The following MPP7 variants were observed in gnomAD, a reference collection of about 807,000 sequenced individuals.
The protein encoded by MPP7 is MAGUK p55 subfamily member 7.
Under a neutral mutation model 76.5 loss-of-function variants are expected in MPP7, and 60 were observed. The observed-to-expected ratio is 0.78, with a 90% CI of 0.64 to 0.97. The LOEUF is 0.97. MPP7 is among the 50% of genes least tolerant of loss of function. MPP7 has a pLI of 0.00. For missense variants in MPP7, 641 were observed against 694.0 expected (o/e 0.92, Z 0.86); for synonymous variants, 237 against 244.5 (o/e 0.97, Z 0.29).
chr10:28,140,786 A>T (rs1248442848), intron 5 of MPP7, among the ~76,000 whole-genome samples: 1 of 152,306 alleles, frequency 6.6e-6, no homozygotes, highest in Non-Finnish European at 1.5e-5. Context: ...TAAATCAATA[A>T]CTACAGAAGA....
chr10:28,235,008 C>T (rs1291287400), intron 2 of MPP7, among the ~76,000 whole-genome samples: 2 of 152,158 alleles, frequency 1.3e-5, no homozygotes, highest in Non-Finnish European at 2.9e-5. Flanking sequence ...TGTGGTTTCA[C>T]CACGTTGCCC....
chr10:28,314,507 G>A (rs142619207), intron 2 of MPP7, among the ~76,000 whole-genome samples: 1 of 152,286 alleles, frequency 6.6e-6, no homozygotes, highest in East Asian at 1.9e-4. Flanking sequence ...TCTAGCTTCC[G>A]CGTATGTTCA....
At chr10:28,068,128 A>G (rs776995331) in intron 13 of MPP7, among the ~76,000 whole-genome samples, 1 of 152,120 alleles carries the variant, frequency 6.6e-6, no homozygotes, top group Non-Finnish European at 1.5e-5. Context: ...GTAAGCTTAA[A>G]AATTATTTTG....
At chr10:28,264,653 T>C (rs1221381002) in intron 1 of MPP7, among the ~76,000 whole-genome samples, 5 of 151,772 alleles carry the variant, frequency 3.3e-5, no homozygotes, top group Non-Finnish European at 7.4e-5. Flanking sequence ...AGCCCAAGCA[T>C]TAATTTCCAC....
intron 11 of MPP7, among the ~76,000 whole-genome samples, chr10:28,091,287 C>CT (rs57320934): frequency 1.3e-3 from 193 of 143,744 alleles, no homozygotes; most frequent in Middle Eastern, 7.4e-3. Context: ...AAACAGATAA[C>CT]TTTTTTTTTT....
At chr10:28,112,093 T>C (rs1834522878) in intron 11 of MPP7, among the ~76,000 whole-genome samples, 1 of 152,208 alleles carries the variant, frequency 6.6e-6, no homozygotes, top group African/African-American at 2.4e-5. Context: ...TTATTATTAT[T>C]CAGGCTCGTG....
At chr10:28,176,866 G>A (rs999661457) in intron 3 of MPP7, among the ~76,000 whole-genome samples, 2 of 140,864 alleles carry the variant, frequency 1.4e-5, no homozygotes, top group Non-Finnish European at 3.1e-5. Context: ...ATCACACAGC[G>A]GAGCCTGTCG....
intron 3 of MPP7, among the ~76,000 whole-genome samples, chr10:28,181,972 G>A (rs903746617): frequency 6.6e-6 from 1 of 152,178 alleles, no homozygotes; most frequent in African/African-American, 2.4e-5. Flanking sequence ...GTGTTAAATG[G>A]TGAGTCTGTG....
In MPP7 at chr10:28,218,159, A is replaced by C. The variant is rs79586283; in HGVS notation, c.38-15888T>G. Among the ~76,000 whole-genome samples, 1,506 of 152,322 alleles carry C rather than the reference A, an allele frequency of 9.9e-3. 25 individuals carry two copies. The highest frequency in any genetic ancestry group is 0.065 in the East Asian group (337 of 5,186). ...ACTTCAGATCAGTAGGGAGGAGGCC[A>C]AAAGAGGCCGGTGGAGAATTGGCTA... On this transcript the variant is annotated intron_variant, in intron 2 of 16. Transcript: ENST00000683449.
intron 11 of MPP7, among the ~76,000 whole-genome samples, chr10:28,096,630 T>C (rs1853582400): frequency 6.6e-6 from 1 of 152,242 alleles, no homozygotes; most frequent in Admixed American, 6.5e-5. Context: ...CGTGTTTGAA[T>C]TTATAAATAT....
At chr10:28,187,218 C>G (rs1837266505) in intron 3 of MPP7, among the ~76,000 whole-genome samples, 2 of 152,150 alleles carry the variant, frequency 1.3e-5, no homozygotes, top group African/African-American at 2.4e-5. Flanking sequence ...AATATGGCTC[C>G]CAATTTCTCA....
At position 28,085,167 on chromosome 10, in the gene MPP7, A is replaced by C. The variant is rs555560550; in HGVS notation, c.1123+4504T>G. On this transcript the variant is annotated intron_variant, in intron 12 of 16. Transcript: ENST00000683449. The stretch of plus-strand genomic sequence containing the variant: ...TTTAAGATTGGAAGCCATATTCTAC[A>C]GTAAGATAAGAAGTAGGGTTCTGGT... Among the ~76,000 whole-genome samples, 6 of 152,334 alleles carry C rather than the reference A, an allele frequency of 3.9e-5. No homozygotes were observed. The East Asian group carries it at 1.2e-3, about 29-fold the overall frequency.
At chr10:28,108,643 C>T (rs1234896531) in intron 11 of MPP7, among the ~76,000 whole-genome samples, 1 of 151,440 alleles carries the variant, frequency 6.6e-6, no homozygotes, top group Non-Finnish European at 1.5e-5. Context: ...GGTGACAGAG[C>T]CAGACCCTGT....
intron 2 of MPP7, among the ~76,000 whole-genome samples, chr10:28,329,608 G>A (rs2133191693): frequency 7.3e-6 from 1 of 136,926 alleles, no homozygotes; most frequent in South Asian, 2.4e-4. Flanking sequence ...TCCAGCCTGG[G>A]CAACAGAGCG....
At chr10:28,107,147 C>T (rs1445033389) in intron 11 of MPP7, among the ~76,000 whole-genome samples, 2 of 152,178 alleles carry the variant, frequency 1.3e-5, no homozygotes, top group Non-Finnish European at 2.9e-5. Flanking sequence ...GGCCCACCAT[C>T]TACATATCAT....
rs145508496 is a variant in MPP7, at chr10:28,263,511, A to G, written c.-131-24776T>C. The stretch of plus-strand genomic sequence containing the variant: ...CTACAGAGCTACATTTTTCCCGTCA[A>G]TGTAGATTGTGATGAAAAATTAAAT... On this transcript the variant is annotated intron_variant, in intron 1 of 16. Coordinates refer to ENST00000683449, the MANE Select transcript of MPP7 (RefSeq NM_001318170.2). Among the ~76,000 whole-genome samples the G allele has an allele frequency of 1.6e-3, 238 of 152,284 alleles. 1 individual carries two copies. The highest frequency in any genetic ancestry group is 2.7e-3 in the Non-Finnish European group (186 of 68,024).
At chr10:28,198,237 G>T (rs947062971) in intron 3 of MPP7, among the ~76,000 whole-genome samples, 2 of 152,108 alleles carry the variant, frequency 1.3e-5, no homozygotes, top group Admixed American at 1.3e-4. Flanking sequence ...ATAGTTGTGA[G>T]TTAAAAACAA....
chr10:28,306,653 T>C (rs1841257733), upstream of MPP7, among the ~76,000 whole-genome samples: 1 of 62,064 alleles, frequency 1.6e-5, no homozygotes, highest in Non-Finnish European at 3.0e-5. Context: ...GTCTCTAAAA[T>C]AGATGATAGA....
chr10:28,176,846 G>T (rs1242692109), intron 3 of MPP7, among the ~76,000 whole-genome samples: 1 of 140,934 alleles, frequency 7.1e-6, no homozygotes, highest in East Asian at 2.2e-4. Flanking sequence ...TTGGACACAG[G>T]ACGGGGAACA....
Sources: gnomAD v4.1 joint callset for allele counts (sites outside exome capture counted in the v4.1 genomes callset) on GRCh38, gnomAD v4.1.1 for gene constraint, MANE v1.5 for transcripts, NCBI Gene and HGNC (gene_info 2026-07-23, HGNC 2026-07-21) for gene names.